The following ARHGEF17 variants were observed in gnomAD, a reference collection of about 807,000 sequenced individuals.
ARHGEF17 encodes the protein 164 kDa Rho-specific guanine-nucleotide exchange factor.
A neutral mutation model predicts 174.0 loss-of-function variants in ARHGEF17; 80 were observed. The observed-to-expected ratio is 0.46, with a 90% CI of 0.38 to 0.55. ARHGEF17 has a LOEUF of 0.55. Ranked by LOEUF, ARHGEF17 falls within the 20% of genes least tolerant of loss-of-function variation. ARHGEF17 has a pLI of 0.00. For synonymous variants in ARHGEF17, 1,311 were observed against 1,189.1 expected (o/e 1.10, Z -2.11); for missense variants, 2,886 against 2,839.7 (o/e 1.02, Z -0.37).
At chr11:73,332,808 CAG>C (rs1333633804) in intron 1 of ARHGEF17, among the ~76,000 whole-genome samples, 1 of 152,160 alleles carries the variant, frequency 6.6e-6, no homozygotes, top group Non-Finnish European at 1.5e-5. Context: ...CTCTGTAAAA[CAG>C]GGTAATAATA....
At chr11:73,355,327 G>A (rs1249221883) in intron 3 of ARHGEF17, among the ~76,000 whole-genome samples, 1 of 152,210 alleles carries the variant, frequency 6.6e-6, no homozygotes, top group Non-Finnish European at 1.5e-5. Context: ...GATAATATGA[G>A]CACTCGTATA....
chr11:73,335,680 T>C (rs1022980020), intron 1 of ARHGEF17, among the ~76,000 whole-genome samples: 2 of 152,156 alleles, frequency 1.3e-5, no homozygotes, highest in South Asian at 4.1e-4. Flanking sequence ...GGCTTCAGCT[T>C]CCTCACTGGA....
At chr11:73,326,968 C>T (rs1432088613) in intron 1 of ARHGEF17, among the ~76,000 whole-genome samples, 1 of 152,156 alleles carries the variant, frequency 6.6e-6, no homozygotes, top group Non-Finnish European at 1.5e-5. Context: ...TGAGACAAGC[C>T]TCTCCCTTCA....
At chr11:73,320,360 G>A (rs1055934343) in intron 1 of ARHGEF17, among the ~76,000 whole-genome samples, 1 of 151,898 alleles carries the variant, frequency 6.6e-6, no homozygotes, top group Non-Finnish European at 1.5e-5. Flanking sequence ...TTTCGGCCGG[G>A]CGCTGTGTCT....
Position 73,365,746 on chromosome 11 carries a change from G to C in ARHGEF17, c.5794G>C (p.Glu1932Gln). The change falls in exon 20 of 21, where the codon GAG (glutamate) becomes CAG (glutamine). Residue 1932 changes from glutamate to glutamine, a missense_variant. This residue lies in a region of ARHGEF17 where 329 missense variants were observed against 435.2 expected (regional missense o/e 0.76). Coordinates refer to ENST00000263674, the MANE Select transcript of ARHGEF17 (RefSeq NM_014786.4). This position sits in a 1 kb window ranked among gnomAD's most constrained non-coding sequence, Gnocchi z 4.9. ...LRITALLVCE[E>Q]LLWVGTSAGV... Reference sequence around the variant, plus strand: ...AATCACAGCGCTGCTGGTGTGTGAGGAGCTGCTGTGGGTGGGCACCAGTGC... The same window carrying C: ...AATCACAGCGCTGCTGGTGTGTGAGCAGCTGCTGTGGGTGGGCACCAGTGC... 1 of 1,613,714 alleles carries C rather than the reference G, an allele frequency of 6.2e-7. No homozygotes were observed. Among genetic ancestry groups the C allele is most frequent in the Non-Finnish European group, 8.5e-7 (1 of 1,180,024 alleles).
intron 1 of ARHGEF17, among the ~76,000 whole-genome samples, chr11:73,334,995 T>TA (rs1865264019): frequency 6.6e-6 from 1 of 152,162 alleles, no homozygotes; most frequent in Non-Finnish European, 1.5e-5. Flanking sequence ...GAGCCAGTGT[T>TA]AGACATTTTG....
intron 1 of ARHGEF17, among the ~76,000 whole-genome samples, chr11:73,337,220 G>A (rs1245336644): frequency 6.6e-6 from 1 of 152,142 alleles, no homozygotes; most frequent in Non-Finnish European, 1.5e-5. Flanking sequence ...GATCCCAGGA[G>A]TTCAAGACTA....
chr11:73,349,707 C>T (rs1865521949), intron 2 of ARHGEF17, among the ~76,000 whole-genome samples: 1 of 152,234 alleles, frequency 6.6e-6, no homozygotes, highest in Non-Finnish European at 1.5e-5. Context: ...GAGCTGGGAG[C>T]AGGCAGGGCT....
intron 9 of ARHGEF17, among the ~76,000 whole-genome samples, chr11:73,358,476 T>TG (rs1194201222): frequency 2.0e-5 from 3 of 149,138 alleles, no homozygotes; most frequent in Non-Finnish European, 4.5e-5. Flanking sequence ...TTTTTTTTTT[T>TG]GAGACGGAGT....
rs191659728 is a variant in ARHGEF17, at chr11:73,356,702, C to T, written c.3841-7C>T. On this transcript the variant is annotated splice_polypyrimidine_tract_variant and splice_region_variant and intron_variant, in intron 6 of 20. Coordinates refer to ENST00000263674, the MANE Select transcript of ARHGEF17 (RefSeq NM_014786.4). Reference sequence around the variant, plus strand: ...CTTCGAGATGCCTTGTCCCTCCTGTCCCACAGCTCCAGGCCCCTCTGCGGC... The same window carrying T: ...CTTCGAGATGCCTTGTCCCTCCTGTTCCACAGCTCCAGGCCCCTCTGCGGC... 1 of 1,614,154 alleles carries T rather than the reference C, an allele frequency of 6.2e-7. No homozygotes were observed. Among genetic ancestry groups the T allele is most frequent in the African/African-American group, 1.3e-5 (1 of 75,040 alleles).
Position 73,309,382 on chromosome 11 carries a change from C to A in ARHGEF17, c.744C>A (p.Ala248=). The change falls in exon 1 of 21, where the codon GCC becomes GCA. Residue 248 remains alanine (A), a synonymous_variant. Transcript: ENST00000263674. ...ASYPVSRSRA[A]SSSEEEEEGP... ...ATCCTGTCAGCCGCAGTCGTGCTGC[C>A]AGCTCCAGCGAGGAGGAAGAGGAGG... 6.3e-7 allele frequency: 1 copy of A among 1,583,482 alleles called. No homozygotes were observed. The highest frequency in any genetic ancestry group is 8.6e-7 in the Non-Finnish European group (1 of 1,164,242).
chr11:73,315,231 C>G (rs1050004090), intron 1 of ARHGEF17, among the ~76,000 whole-genome samples: 3 of 152,204 alleles, frequency 2.0e-5, no homozygotes, highest in African/African-American at 7.2e-5. Context: ...ACATCCCCAA[C>G]AGCCTGAACA....
chr11:73,322,861 G>A (rs148549927), intron 1 of ARHGEF17, among the ~76,000 whole-genome samples: 8 of 152,238 alleles, frequency 5.3e-5, no homozygotes, highest in East Asian at 1.9e-4. Context: ...ATGAGGGTGC[G>A]GGAACATGAG....
chr11:73,332,074 A>T (rs1865213253), intron 1 of ARHGEF17, among the ~76,000 whole-genome samples: 2 of 152,190 alleles, frequency 1.3e-5, no homozygotes, highest in South Asian at 4.1e-4. Flanking sequence ...TGCTTAAGCC[A>T]ACCACTGACC....
chr11:73,310,129 T>G lies in ARHGEF17; in HGVS notation c.1491T>G (p.Arg497=). The G allele has an allele frequency of 6.2e-7, 1 of 1,613,968 alleles. No individual in the cohort carries two copies. Among genetic ancestry groups the G allele is most frequent in the East Asian group, 2.2e-5 (1 of 44,878 alleles). Residue 497 remains arginine, a synonymous_variant, in exon 1 of 21, where the codon CGT becomes CGG. Coordinates refer to ENST00000263674, the MANE Select transcript of ARHGEF17 (RefSeq NM_014786.4). ...VRKPGGSSGD[R]GSNPLDGRDS... is the part of the protein sequence containing the mutation. ...AACCTGGTGGGAGCTCCGGGGACCG[T>G]GGAAGCAACCCCCTAGATGGCAGAG...
chr11:73,333,059 T>G (rs1227417946), intron 1 of ARHGEF17, among the ~76,000 whole-genome samples: 1 of 152,206 alleles, frequency 6.6e-6, no homozygotes, highest in African/African-American at 2.4e-5. Context: ...TAAGCACACA[T>G]GACTTCTCAC....
Position 73,368,724 on chromosome 11 carries a change from G to A in ARHGEF17, c.*944G>A, listed in dbSNP as rs1292446170. 1 of 152,468 alleles carries A rather than the reference G, an allele frequency of 6.6e-6. No homozygotes were observed. The highest frequency in any genetic ancestry group is 2.4e-5 in the African/African-American group (1 of 41,400). The allele number at this position is 152,468 out of a possible 1,614,324, so 9.4% of individuals were successfully genotyped here. On this transcript the variant is annotated 3_prime_UTR_variant, in exon 21 of 21. Coordinates refer to ENST00000263674, the MANE Select transcript of ARHGEF17 (RefSeq NM_014786.4). The stretch of plus-strand genomic sequence containing the variant: ...GGAGGGCAGACCTAGGAGCCCCTCT[G>A]ACCACTGAATCCGTCTCCACACCCC...
chr11:73,313,712 G>A (rs1257066272), intron 1 of ARHGEF17, among the ~76,000 whole-genome samples: 1 of 152,210 alleles, frequency 6.6e-6, no homozygotes, highest in Non-Finnish European at 1.5e-5. Flanking sequence ...TTAGGGGGAG[G>A]TAACTGGTGA....
chr11:73,332,631 G>A (rs372358542), intron 1 of ARHGEF17, among the ~76,000 whole-genome samples: 154 of 152,058 alleles, frequency 1.0e-3, no homozygotes, highest in African/African-American at 3.6e-3. Context: ...GGCTGCTCCC[G>A]GGGTCACTCC....
Sources: gnomAD v4.1 joint callset for allele counts (sites outside exome capture counted in the v4.1 genomes callset) on GRCh38, gnomAD v4.1.1 for gene constraint, gnomAD v4.1.1 regional missense constraint, Gnocchi (gnomAD v3.1) non-coding constraint, MANE v1.5 for transcripts, NCBI Gene and HGNC (gene_info 2026-07-23, HGNC 2026-07-21) for gene names.